The following NAV3 variants were observed in gnomAD, a reference collection of about 807,000 sequenced individuals.
NAV3 encodes pore membrane and/or filament interacting like protein 1.
Under a neutral mutation model 244.7 loss-of-function variants are expected in NAV3, and 87 were observed. The ratio of observed to expected loss-of-function variants is 0.36; its 90% CI spans 0.30 to 0.42. The LOEUF (loss-of-function observed/expected upper bound fraction) is 0.42. Among genes scored for constraint, NAV3 ranks in the 20% least tolerant of loss-of-function variants. The pLI is 1.00. For missense variants in NAV3, 2,663 were observed against 2,893.3 expected (o/e 0.92, Z 1.83); for synonymous variants, 1,126 against 1,042.2 (o/e 1.08, Z -1.55).
intron 1 of NAV3, among the ~76,000 whole-genome samples, chr12:77,846,495 T>C (rs1876659732): frequency 6.6e-6 from 1 of 152,164 alleles, no homozygotes; most frequent in African/African-American, 2.4e-5. Flanking sequence ...GTGCGCAGTG[T>C]CTTGTTTTGG....
intron 2 of NAV3, among the ~76,000 whole-genome samples, chr12:77,763,667 G>A (rs186324911): frequency 6.6e-6 from 1 of 151,920 alleles, no homozygotes; most frequent in Non-Finnish European, 1.5e-5. Context: ...TTCTCTGAAG[G>A]AAATATTACA....
intron 2 of NAV3, among the ~76,000 whole-genome samples, chr12:77,811,340 T>G (rs207473132): frequency 6.6e-6 from 1 of 152,170 alleles, no homozygotes; most frequent in Non-Finnish European, 1.5e-5. Context: ...AAAATCTAGT[T>G]GGAATGACTA....
chr12:77,753,633 T>C (rs1868976443), intron 2 of NAV3, among the ~76,000 whole-genome samples: 1 of 152,170 alleles, frequency 6.6e-6, no homozygotes, highest in Non-Finnish European at 1.5e-5. Context: ...TTCTCTCTTA[T>C]CCCTTGCCAC....
chr12:78,143,750 T>G (rs1416858590), intron 20 of NAV3, among the ~76,000 whole-genome samples: 1 of 152,114 alleles, frequency 6.6e-6, no homozygotes, highest in Non-Finnish European at 1.5e-5. Context: ...TTTAAATTCC[T>G]TTTAAAAATA....
chr12:77,832,275 A>G (rs1873844864), intron 1 of NAV3, among the ~76,000 whole-genome samples: 1 of 152,160 alleles, frequency 6.6e-6, no homozygotes, highest in Admixed American at 6.5e-5. Context: ...CTACTCTTTT[A>G]CTTATTACTG....
chr12:78,172,460 GAGC>G (rs1183024174), intron 24 of NAV3, among the ~76,000 whole-genome samples: 2 of 151,538 alleles, frequency 1.3e-5, no homozygotes, highest in Non-Finnish European at 3.0e-5. Context: ...TCTAGTGGGA[GAGC>G]AGAAGGTAAA....
chr12:78,067,799 T>C (rs543579306), intron 12 of NAV3, among the ~76,000 whole-genome samples: 1 of 152,242 alleles, frequency 6.6e-6, no homozygotes, highest in African/African-American at 2.4e-5. Flanking sequence ...ACATTAAACT[T>C]GATCAATTTT....
rs368659738 is a variant in NAV3 at position 78,095,045 on chromosome 12, T to TTATATATATATATATA, written c.2637-21722_2637-21707dup. Among the ~76,000 whole-genome samples the TTATATATATATATATA allele has an allele frequency of 2.4e-3, 296 of 123,812 alleles. 1 individual carries two copies. The highest frequency in any genetic ancestry group is 7.8e-3 in the African/African-American group (276 of 35,232). 81.2% of individuals were successfully genotyped at this position (123,812 alleles called of 152,430 possible). On this transcript the variant is annotated intron_variant, in intron 12 of 39. Transcript: ENST00000397909. ...CCGGTGACAGAGACTCCATATCAAA[T>TTATATATATATATATA]TATATATATATATATATATACACAC...
chr12:77,849,810 G>A (rs887771614), intron 1 of NAV3, among the ~76,000 whole-genome samples: 1 of 152,116 alleles, frequency 6.6e-6, no homozygotes, highest in Non-Finnish European at 1.5e-5. Flanking sequence ...AGTCTACCTT[G>A]AGCGATGCTA....
At chr12:77,855,638 G>A (rs1878285599) in intron 1 of NAV3, among the ~76,000 whole-genome samples, 1 of 152,200 alleles carries the variant, frequency 6.6e-6, no homozygotes, top group South Asian at 2.1e-4. Flanking sequence ...GACACTGTGA[G>A]AATTCTGAGC....
At chr12:77,810,440 G>C (rs1872231175) in intron 2 of NAV3, among the ~76,000 whole-genome samples, 1 of 152,044 alleles carries the variant, frequency 6.6e-6, no homozygotes, top group Admixed American at 6.6e-5. Context: ...CAAAGTGCTG[G>C]GATTACAGTC....
intron 9 of NAV3, among the ~76,000 whole-genome samples, chr12:78,030,991 C>T (rs1878879659): frequency 6.6e-6 from 1 of 152,156 alleles, no homozygotes; most frequent in African/African-American, 2.4e-5. Flanking sequence ...AGCTTCAACA[C>T]TATTGTTATT....
chr12:78,001,470 A>T (rs1040293060), intron 7 of NAV3, among the ~76,000 whole-genome samples: 1 of 152,212 alleles, frequency 6.6e-6, no homozygotes, highest in African/African-American at 2.4e-5. Flanking sequence ...TTTATTCACA[A>T]TTAAAACAAT....
chr12:78,033,405 G>A (rs150527966), intron 9 of NAV3, among the ~76,000 whole-genome samples: 30 of 152,122 alleles, frequency 2.0e-4, no homozygotes, highest in African/African-American at 5.8e-4. Context: ...AGGTCTTGGC[G>A]TAATTAGAAT....
chr12:78,045,822 G>A (rs111966000), intron 9 of NAV3, among the ~76,000 whole-genome samples: 46 of 152,240 alleles, frequency 3.0e-4, no homozygotes, highest in South Asian at 6.2e-4. Flanking sequence ...GCTCCTCTTC[G>A]TAGTTCTGTT....
intron 11 of NAV3, among the ~76,000 whole-genome samples, chr12:78,054,720 G>A (rs558289143): frequency 2.0e-5 from 3 of 152,206 alleles, no homozygotes; most frequent in Admixed American, 2.0e-4. Context: ...GAAGGCATAA[G>A]GCAGACAAGA....
At chr12:77,700,934 A>G (rs1201719663) in intron 2 of NAV3, among the ~76,000 whole-genome samples, 2 of 39,942 alleles carry the variant, frequency 5.0e-5, no homozygotes, top group Admixed American at 4.0e-4. Flanking sequence ...ATTATATATT[A>G]TAAACTCTTT....
intron 23 of NAV3, 42 bp from the exon 24 acceptor site, chr12:78,168,713 T>C: frequency 7.6e-7 from 1 of 1,321,110 alleles, no homozygotes; most frequent in Non-Finnish European, 1.1e-6. Context: ...ATTTTATTTT[T>C]CTTTCGGGTA....
intron 1 of NAV3, among the ~76,000 whole-genome samples, chr12:77,850,837 T>C (rs546955680): frequency 2.8e-4 from 42 of 152,132 alleles, no homozygotes; most frequent in Non-Finnish European, 5.3e-4. Flanking sequence ...CTCTGCAGAG[T>C]TGGCCCCATC....
Sources: allele counts gnomAD v4.1 joint callset (sites outside exome capture counted in the v4.1 genomes callset), GRCh38; gene constraint gnomAD v4.1.1; transcripts MANE v1.5; gene names NCBI Gene and HGNC (gene_info 2026-07-23, HGNC 2026-07-21).